Variants in MAGI1 observed in about 807,000 individuals in gnomAD.
The protein encoded by MAGI1 is membrane-associated guanylate kinase, WW and PDZ domain-containing protein 1.
Under a neutral mutation model 139.9 loss-of-function variants are expected in MAGI1, and 58 were observed. The ratio of observed to expected loss-of-function variants is 0.41; its 90% CI spans 0.34 to 0.52. MAGI1 has a LOEUF of 0.52. MAGI1 is among the 20% of genes least tolerant of loss of function. The pLI, the probability that MAGI1 is intolerant of heterozygous loss-of-function variation, is 0.12. For missense variants in MAGI1, 1,874 were observed against 1,901.6 expected (o/e 0.99, Z 0.27); for synonymous variants, 812 against 737.9 (o/e 1.10, Z -1.63).
At chr3:65,383,981 G>C (rs1943253317) in intron 14 of MAGI1, among the ~76,000 whole-genome samples, 1 of 152,164 alleles carries the variant, frequency 6.6e-6, no homozygotes, top group Non-Finnish European at 1.5e-5. Flanking sequence ...CCACAAAGCA[G>C]GTGTCCATGT....
intron 1 of MAGI1, among the ~76,000 whole-genome samples, chr3:65,822,214 A>AT (rs1221513871): frequency 3.9e-5 from 6 of 152,186 alleles, no homozygotes; most frequent in Non-Finnish European, 8.8e-5. Context: ...AATTTAATAG[A>AT]TAAAAAGAAA....
chr3:65,406,278 T>C (rs144450362), intron 12 of MAGI1, among the ~76,000 whole-genome samples: 39 of 151,706 alleles, frequency 2.6e-4, no homozygotes, highest in Middle Eastern at 3.4e-3. Flanking sequence ...AAGCCGAGCA[T>C]TGCCATTTCA....
At chr3:65,593,408 G>T (rs921930952) in intron 2 of MAGI1, among the ~76,000 whole-genome samples, 21 of 152,146 alleles carry the variant, frequency 1.4e-4, no homozygotes, top group East Asian at 5.8e-4. Context: ...GGATGGGGGG[G>T]AAAGGAGATT....
At chr3:65,357,188 TC>T (rs1326276768) in intron 22 of MAGI1, 56 bp from the exon 23 acceptor site, 1 of 1,533,316 alleles carries the variant, frequency 6.5e-7, no homozygotes, top group Non-Finnish European at 8.8e-7. Context: ...TCGGCTCCTG[TC>T]CCCGTTCCCA....
chr3:65,692,745 T>C (rs770370112), intron 1 of MAGI1, among the ~76,000 whole-genome samples: 1 of 151,750 alleles, frequency 6.6e-6, no homozygotes, highest in Non-Finnish European at 1.5e-5. Context: ...AGTGGGTGAG[T>C]TGTCATGAGA....
intron 1 of MAGI1, among the ~76,000 whole-genome samples, chr3:65,741,425 C>A: frequency 6.6e-6 from 1 of 152,308 alleles, no homozygotes; most frequent in Non-Finnish European, 1.5e-5. Context: ...CCGCCCGCCT[C>A]GGCCTCCCAA....
chr3:65,457,590 T>A (rs935015493), intron 5 of MAGI1, among the ~76,000 whole-genome samples: 1 of 152,176 alleles, frequency 6.6e-6, no homozygotes, highest in Non-Finnish European at 1.5e-5. Flanking sequence ...CCTTAAATTA[T>A]ATTTTATTTT....
At chr3:65,722,583 T>A in intron 1 of MAGI1, among the ~76,000 whole-genome samples, 1 of 152,162 alleles carries the variant, frequency 6.6e-6, no homozygotes, top group African/African-American at 2.4e-5. Flanking sequence ...CAGCGAGCCA[T>A]GATCACACCG....
At chr3:65,837,657 C>T (rs1033066558) in intron 1 of MAGI1, among the ~76,000 whole-genome samples, 4 of 152,158 alleles carry the variant, frequency 2.6e-5, no homozygotes, top group South Asian at 2.1e-4. Flanking sequence ...GAATGCAAAG[C>T]GCGAAGTAAC....
intron 1 of MAGI1, among the ~76,000 whole-genome samples, chr3:66,013,195 G>A (rs1395077574): frequency 6.6e-6 from 1 of 150,978 alleles, no homozygotes; most frequent in Non-Finnish European, 1.5e-5. Flanking sequence ...CCTGAGGTCA[G>A]GAGTTTGAGA....
intron 1 of MAGI1, among the ~76,000 whole-genome samples, chr3:65,961,627 T>G (rs2064428475): frequency 6.6e-6 from 1 of 152,180 alleles, no homozygotes; most frequent in African/African-American, 2.4e-5. Context: ...ACTAATGACT[T>G]GTTTTTAAAG....
chr3:65,447,404 T>C (rs904250942), intron 7 of MAGI1, among the ~76,000 whole-genome samples: 1 of 152,196 alleles, frequency 6.6e-6, no homozygotes, highest in Non-Finnish European at 1.5e-5. Flanking sequence ...TTGATTTGCA[T>C]TGACACAACT....
chr3:65,366,693 A>T (rs1394831422), intron 18 of MAGI1, among the ~76,000 whole-genome samples: 1 of 152,206 alleles, frequency 6.6e-6, no homozygotes, highest in Non-Finnish European at 1.5e-5. Context: ...ATTGGGAATA[A>T]GAGAATTATC....
chr3:65,741,245 G>A (rs952193317), intron 1 of MAGI1, among the ~76,000 whole-genome samples: 1 of 151,874 alleles, frequency 6.6e-6, no homozygotes, highest in African/African-American at 2.4e-5. Context: ...CGCGATCTCG[G>A]CTCACTGCAA....
intron 1 of MAGI1, among the ~76,000 whole-genome samples, chr3:65,858,925 C>T (rs908701823): frequency 6.6e-6 from 1 of 152,138 alleles, no homozygotes; most frequent in Non-Finnish European, 1.5e-5. Flanking sequence ...CTGTATCCAC[C>T]ATAAGTATAA....
intron 1 of MAGI1, among the ~76,000 whole-genome samples, chr3:65,805,985 G>A (rs1043853244): frequency 1.3e-5 from 2 of 152,052 alleles, no homozygotes; most frequent in African/African-American, 4.8e-5. Context: ...GCTAATAGAT[G>A]CAGGGCTTAA....
At chr3:65,881,468 T>G (rs908774055) in intron 1 of MAGI1, among the ~76,000 whole-genome samples, 2 of 151,842 alleles carry the variant, frequency 1.3e-5, no homozygotes, top group Non-Finnish European at 2.9e-5. Flanking sequence ...CTCTAAAAAA[T>G]TTTTTGTAAT....
intron 1 of MAGI1, among the ~76,000 whole-genome samples, chr3:65,881,177 T>C (rs1433021176): frequency 1.3e-5 from 2 of 152,096 alleles, no homozygotes; most frequent in East Asian, 1.9e-4. Flanking sequence ...TGAGCCACTC[T>C]GGCATCTGAT....
intron 13 of MAGI1, among the ~76,000 whole-genome samples, chr3:65,394,659 G>A (rs1944240214): frequency 7.0e-6 from 1 of 142,896 alleles, no homozygotes; most frequent in Non-Finnish European, 1.5e-5. Flanking sequence ...ACTATGCTGT[G>A]GGTGTGAGGG....
Sources: gnomAD v4.1 joint callset for allele counts (sites outside exome capture counted in the v4.1 genomes callset) on GRCh38, gnomAD v4.1.1 for gene constraint, MANE v1.5 for transcripts, NCBI Gene and HGNC (gene_info 2026-07-23, HGNC 2026-07-21) for gene names.